The following TEX55 variants were observed in gnomAD, a reference collection of about 807,000 sequenced individuals.
TEX55 encodes testis expressed 55.
In TEX55, 31 loss-of-function variants were observed where a neutral mutation model predicts 44.6. The ratio of observed to expected loss-of-function variants is 0.69; its 90% confidence interval spans 0.52 to 0.94. The LOEUF (loss-of-function observed/expected upper bound fraction) is 0.94. Among genes scored for constraint, TEX55 ranks in the 40% least tolerant of loss-of-function variants. The pLI is 0.00. For missense variants in TEX55, 639 were observed against 638.4 expected, an observed-to-expected ratio of 1.00 and a Z score of -0.01; for synonymous variants, 230 against 230.9, an observed-to-expected ratio of 1.00 and a Z score of 0.04.
At chr3:119,148,481 C>A (rs114466149) in intron 2 of TEX55, among the ~76,000 whole-genome samples, 158 bp downstream of exon 2, 137 of 152,128 alleles carry the variant, frequency 9.0e-4, no homozygotes, top group African/African-American at 3.2e-3. Context: ...ATAGATGATA[C>A]CATCATATGA....
intron 2 of TEX55, among the ~76,000 whole-genome samples, chr3:119,148,772 T>C (rs2077754314): frequency 6.6e-6 from 1 of 152,246 alleles, no homozygotes; most frequent in African/African-American, 2.4e-5. Flanking sequence ...ACTTAGGCTA[T>C]ATGGCATAGC....
chr3:119,151,283 C>A lies in TEX55; in HGVS notation c.1602C>A (p.Cys534Ter). Residue 534 changes from cysteine to a stop codon, truncating the protein, a stop_gained, in exon 3 of 3, where the codon TGC (cysteine) becomes TGA (stop). Coordinates refer to ENST00000295622, the MANE Select transcript of TEX55 (RefSeq NM_152539.3). LOFTEE classifies it high-confidence loss of function. ...AGGACCCCCTGAATTTTATGCTGTG[C>A]CAGGTATAGAATTGGAGAAAAAGAA... ...KPEDPLNFML[C>*]QV 6.2e-7 allele frequency: 1 copy of A among 1,612,622 alleles called. No homozygotes were observed. The highest frequency in any genetic ancestry group is 8.5e-7 in the Non-Finnish European group (1 of 1,178,896).
chr3:119,147,183 C>A lies in TEX55; in HGVS notation c.994C>A (p.Gln332Lys). ...AIDQAHSNAD[Q>K]PPVDNAHYTE... ...TGACCAAGCTCATAGTAATGCTGAT[C>A]AACCTCCAGTTGACAATGCTCACTA... Residue 332 changes from glutamine to lysine, a missense_variant, in exon 1 of 3, where the codon CAA becomes AAA. Transcript: ENST00000295622. The A allele has an allele frequency of 6.2e-7, 1 of 1,614,144 alleles. No individual in the cohort carries two copies. Among genetic ancestry groups the A allele is most frequent in the Non-Finnish European group, 8.5e-7 (1 of 1,180,026 alleles).
In TEX55 at chr3:119,151,242, G is replaced by A. The variant is rs1476529419; in HGVS notation, c.1561G>A (p.Val521Ile). 7 of 1,612,178 alleles carry A rather than the reference G, an allele frequency of 4.3e-6. No individual in the cohort carries two copies. The highest frequency in any genetic ancestry group is 5.9e-6 in the Non-Finnish European group (7 of 1,178,454). ...QIFQQITENL[V>I]YEKPEDPLNF... ...TTCTCAGCAGATTACTGAAAACTTAGTCTATGAAAAGCCAGAGGACCCCCT... is the reference window on the plus strand; with the variant it reads ...TTCTCAGCAGATTACTGAAAACTTAATCTATGAAAAGCCAGAGGACCCCCT... Residue 521 changes from valine to isoleucine, a missense_variant, in exon 3 of 3, where the codon GTC (valine) becomes ATC (isoleucine). By Grantham distance (29) the Val-to-Ile change is conservative (BLOSUM62 3). Coordinates refer to ENST00000295622, the MANE Select transcript of TEX55 (RefSeq NM_152539.3).
chr3:119,149,214 A>C (rs2077758908), intron 2 of TEX55, among the ~76,000 whole-genome samples: 2 of 152,300 alleles, frequency 1.3e-5, no homozygotes, highest in South Asian at 4.1e-4. Context: ...CTATACAAAA[A>C]TGTTTTTCTT....
chr3:119,150,463 T>C (rs1219504566), intron 2 of TEX55, among the ~76,000 whole-genome samples: 1 of 152,130 alleles, frequency 6.6e-6, no homozygotes, highest in Non-Finnish European at 1.5e-5. Context: ...GATTATTTTA[T>C]CCTGAAATTT....
rs2077779072 is a variant in TEX55 at position 119,151,357 on chromosome 3, G to A, written c.*65G>A. On this transcript the variant is annotated 3_prime_UTR_variant, in exon 3 of 3. Coordinates refer to ENST00000295622, the MANE Select transcript of TEX55 (RefSeq NM_152539.3). ...TAAAATACAGCACACATACAGCAAA[G>A]TGTATAGAACAAAGTACGTACAACT... is the stretch of plus-strand genomic sequence containing the variant. 1.5e-6 allele frequency: 2 copies of A among 1,370,286 alleles called. No homozygotes were observed. Among genetic ancestry groups the A allele is most frequent in the African/African-American group, 2.9e-5 (2 of 69,512 alleles). 84.9% of individuals were successfully genotyped at this position (1,370,286 alleles called of 1,614,324 possible).
At chr3:119,150,310 T>C (rs951261390) in intron 2 of TEX55, among the ~76,000 whole-genome samples, 1 of 117,922 alleles carries the variant, frequency 8.5e-6, no homozygotes, top group African/African-American at 3.1e-5. Flanking sequence ...GTTTTAATCA[T>C]TTTATAATTT....
At chr3:119,150,483 T>C (rs1233658520) in intron 2 of TEX55, among the ~76,000 whole-genome samples, 1 of 152,158 alleles carries the variant, frequency 6.6e-6, no homozygotes, top group Non-Finnish European at 1.5e-5. Flanking sequence ...TGCCTGATTT[T>C]TATGCCCTGC....
At position 119,147,161 on chromosome 3, in the gene TEX55, C is replaced by A; in HGVS notation, c.972C>A (p.Asp324Glu). The A allele has an allele frequency of 6.2e-7, 1 of 1,614,186 alleles. No individual in the cohort carries two copies. The highest frequency in any genetic ancestry group is 1.1e-5 in the South Asian group (1 of 91,080). Residue 324 changes from aspartate to glutamate, a missense_variant, in exon 1 of 3, where the codon GAC becomes GAA. Physicochemically the swap from Asp to Glu is conservative, Grantham distance 45. Transcript: ENST00000295622. ...ATELAEHQAI[D>E]QAHSNADQPP... ...AACTAGCTGAACACCAGGCTATTGA[C>A]CAAGCTCATAGTAATGCTGATCAAC...
intron 2 of TEX55, 145 bp from the exon 3 acceptor site, chr3:119,151,079 T>C: frequency 1.6e-6 from 1 of 639,612 alleles, no homozygotes; most frequent in Non-Finnish European, 2.8e-6. Context: ...GCATTCCATC[T>C]TGGGTGACAG....
Position 119,146,904 on chromosome 3 carries a change from T to C in TEX55, c.715T>C (p.Ser239Pro). Residue 239 changes from serine to proline, a missense_variant, in exon 1 of 3, where the codon TCT becomes CCT. Coordinates refer to ENST00000295622, the MANE Select transcript of TEX55 (RefSeq NM_152539.3). ...ATCCGTCCCATCTGACCAAAGTCCT[T>C]CTGTACAGATTGACAGTGGATCGTC... ...GSSVPSDQSP[S>P]VQIDSGSSVP... 6.2e-7 allele frequency: 1 copy of C among 1,614,090 alleles called. No homozygotes were observed.
Position 119,146,428 on chromosome 3 carries a change from G to A in TEX55, c.239G>A (p.Gly80Glu), listed in dbSNP as rs755277127. 1.9e-6 allele frequency: 3 copies of A among 1,614,046 alleles called. No homozygotes were observed. Among genetic ancestry groups the A allele is most frequent in the African/African-American group, 2.7e-5 (2 of 74,912 alleles). ...ACCAACGGAGTAGCTGAACAAAATG[G>A]GCATAGTACACCTGGTCAGGCTGGC... Reference protein sequence around the residue: ...QATNGVAEQNGHSTPGQAGRR... With the variant: ...QATNGVAEQNEHSTPGQAGRR... Residue 80 changes from glycine (G) to glutamate (E), a missense_variant, in exon 1 of 3, where the codon GGG becomes GAG. Transcript: ENST00000295622.
chr3:119,149,082 A>G (rs2077757770), intron 2 of TEX55, among the ~76,000 whole-genome samples: 1 of 152,104 alleles, frequency 6.6e-6, no homozygotes, highest in African/African-American at 2.4e-5. Context: ...AAATTTTTTA[A>G]CATATTTTTC....
chr3:119,146,312 G>A lies in TEX55; in HGVS notation c.123G>A (p.Arg41=), dbSNP rs2077724389. ...EEDDQKNQAE[R]KADNHTAHRI... ...ACGACCAGAAGAACCAGGCCGAAAG[G>A]AAGGCAGATAACCACACTGCTCACA... The change falls in exon 1 of 3, where the codon AGG becomes AGA. Residue 41 remains arginine (R), a synonymous_variant. Transcript: ENST00000295622. 1.2e-6 allele frequency: 2 copies of A among 1,614,074 alleles called. No individual in the cohort carries two copies. The highest frequency in any genetic ancestry group is 1.7e-6 in the Non-Finnish European group (2 of 1,180,038).
chr3:119,151,256 A>G lies in TEX55; in HGVS notation c.1575A>G (p.Pro525=). Residue 525 remains proline, a synonymous_variant, in exon 3 of 3, where the codon CCA becomes CCG. Coordinates refer to ENST00000295622, the MANE Select transcript of TEX55 (RefSeq NM_152539.3). ...QITENLVYEK[P]EDPLNFMLCQ... ...CTGAAAACTTAGTCTATGAAAAGCC[A>G]GAGGACCCCCTGAATTTTATGCTGT... The G allele has an allele frequency of 6.2e-7, 1 of 1,613,220 alleles. No individual in the cohort carries two copies. Among genetic ancestry groups the G allele is most frequent in the South Asian group, 1.1e-5 (1 of 91,052 alleles).
intron 2 of TEX55, among the ~76,000 whole-genome samples, chr3:119,148,973 G>A (rs1291062618): frequency 6.6e-6 from 1 of 152,176 alleles, no homozygotes; most frequent in Non-Finnish European, 1.5e-5. Flanking sequence ...CCTGGAAGTT[G>A]CTCTGAGCGA....
Position 119,146,289 on chromosome 3 carries a change from G to T in TEX55, c.100G>T (p.Asp34Tyr). 6.2e-7 allele frequency: 1 copy of T among 1,613,974 alleles called. No individual in the cohort carries two copies. Among genetic ancestry groups the T allele is most frequent in the South Asian group, 1.1e-5 (1 of 91,002 alleles). ...AGHTKGQEED[D>Y]QKNQAERKAD... ...CCACACTAAGGGCCAGGAAGAAGAC[G>T]ACCAGAAGAACCAGGCCGAAAGGAA... The change falls in exon 1 of 3, where the codon GAC becomes TAC. Residue 34 changes from aspartate to tyrosine, a missense_variant. Physicochemically the swap from Asp to Tyr is radical, Grantham distance 160. Transcript: ENST00000295622.
intron 2 of TEX55, 142 bp downstream of exon 2, chr3:119,148,465 C>T: frequency 1.3e-6 from 1 of 778,364 alleles, no homozygotes; most frequent in Non-Finnish European, 2.0e-6. Context: ...AAATGATAAA[C>T]ACCAAATAGA....
Sources: gnomAD v4.1 joint callset for allele counts (sites outside exome capture counted in the v4.1 genomes callset) on GRCh38, gnomAD v4.1.1 for gene constraint, MANE v1.5 for transcripts, NCBI Gene and HGNC (gene_info 2026-07-23, HGNC 2026-07-21) for gene names.